CEP83: variants seen among roughly 807,000 people sequenced by gnomAD.
The protein encoded by CEP83 is centrosomal protein of 83 kDa.
A neutral mutation model predicts 101.9 loss-of-function variants in CEP83; 70 were observed. That is an observed-to-expected ratio of 0.69 (90% CI 0.57 to 0.84). The LOEUF (loss-of-function observed/expected upper bound fraction) is 0.84. Among genes scored for constraint, CEP83 ranks in the 40% least tolerant of loss-of-function variants. The pLI, the probability that CEP83 is intolerant of heterozygous loss-of-function variation, is 0.00. For missense variants in CEP83, 715 were observed against 787.2 expected (o/e 0.91, Z 1.10); for synonymous variants, 264 against 267.9 (o/e 0.99, Z 0.14).
At chr12:94,405,977 G>C (rs2063511814) in intron 4 of CEP83, among the ~76,000 whole-genome samples, 1 of 152,144 alleles carries the variant, frequency 6.6e-6, no homozygotes. Flanking sequence ...CACCTGAAAG[G>C]ATTAGAAGGA....
intron 4 of CEP83, 116 bp from the exon 5 acceptor site, chr12:94,403,378 A>G: frequency 1.8e-6 from 1 of 565,034 alleles, no homozygotes; most frequent in East Asian, 3.0e-5. Context: ...TTTGCAATAT[A>G]GTTTTTTTAC....
chr12:94,415,340 C>A (rs1487445236), intron 2 of CEP83, among the ~76,000 whole-genome samples: 1 of 152,042 alleles, frequency 6.6e-6, no homozygotes, highest in Non-Finnish European at 1.5e-5. Context: ...ACTGAGCAAG[C>A]TGTAGAAGGT....
chr12:94,356,036 G>A (rs899877106), intron 11 of CEP83, among the ~76,000 whole-genome samples: 7 of 151,766 alleles, frequency 4.6e-5, no homozygotes, highest in Non-Finnish European at 8.9e-5. Context: ...CTCTAGTGCC[G>A]CTGGGTTAGG....
intron 14 of CEP83, among the ~76,000 whole-genome samples, chr12:94,323,101 G>A (rs569047294): frequency 6.6e-6 from 1 of 152,332 alleles, no homozygotes; most frequent in South Asian, 2.1e-4. Context: ...GCTGGCTAGA[G>A]TTCCAAGCCA....
chr12:94,400,820 A>G (rs2063209614), intron 6 of CEP83, 30 bp downstream of exon 6: 1 of 1,334,446 alleles, frequency 7.5e-7, no homozygotes, highest in Non-Finnish European at 9.8e-7. Context: ...CAGAACAATA[A>G]CAAAGAAACT....
intron 13 of CEP83, 61 bp downstream of exon 13, chr12:94,333,421 A>G: frequency 4.2e-6 from 6 of 1,419,006 alleles, no homozygotes; most frequent in Non-Finnish European, 5.8e-6. Flanking sequence ...TCATTACTAA[A>G]ATAAGTACAT....
At chr12:94,419,278 T>C (rs1739994437) in intron 2 of CEP83, among the ~76,000 whole-genome samples, 1 of 151,968 alleles carries the variant, frequency 6.6e-6, no homozygotes, top group African/African-American at 2.4e-5. Flanking sequence ...CTTAATAATA[T>C]AAAAAATATC....
intron 11 of CEP83, chr12:94,335,898 A>G (rs959062276): frequency 6.5e-5 from 29 of 442,808 alleles, no homozygotes; most frequent in Non-Finnish European, 9.2e-5. Flanking sequence ...TAAGAAATCA[A>G]GTCTGTCCAG....
intron 11 of CEP83, among the ~76,000 whole-genome samples, chr12:94,345,822 A>G (rs2059909441): frequency 6.6e-6 from 1 of 152,154 alleles, no homozygotes; most frequent in Non-Finnish European, 1.5e-5. Context: ...TTTTTGTCCA[A>G]TAAGATTTCC....
At chr12:94,282,445 T>C in the CEP83 span, 8 of 1,254,474 alleles carry the variant, frequency 6.4e-6, no homozygotes, top group African/African-American at 1.0e-4. Flanking sequence ...TCATCCCCAA[T>C]CCTAGTCCCA....
the CEP83 span, among the ~76,000 whole-genome samples, chr12:94,275,055 A>C: frequency 6.6e-6 from 1 of 152,288 alleles, no homozygotes; most frequent in East Asian, 1.9e-4. Flanking sequence ...ACTTCCCTAC[A>C]TTCCCTCAGC....
chr12:94,441,678 G>A (rs1594088457), intron 1 of CEP83, among the ~76,000 whole-genome samples: 1 of 152,180 alleles, frequency 6.6e-6, no homozygotes, highest in Non-Finnish European at 1.5e-5. Context: ...CACTTTGGGA[G>A]GCCGAGGCGG....
intron 11 of CEP83, among the ~76,000 whole-genome samples, chr12:94,365,141 TA>T (rs1007471216): frequency 5.3e-5 from 8 of 151,560 alleles, no homozygotes; most frequent in Admixed American, 2.6e-4. Flanking sequence ...TAAGGTAATT[TA>T]AAAAAAATTT....
At chr12:94,432,660 A>AC (rs2065726527) in intron 2 of CEP83, among the ~76,000 whole-genome samples, 1 of 152,150 alleles carries the variant, frequency 6.6e-6, no homozygotes, top group Non-Finnish European at 1.5e-5. Context: ...GATAGACAAT[A>AC]CAAGTTCTAA....
chr12:94,396,093 C>A (rs1366078973), intron 6 of CEP83, among the ~76,000 whole-genome samples: 1 of 152,074 alleles, frequency 6.6e-6, no homozygotes, highest in African/African-American at 2.4e-5. Flanking sequence ...TTCACTCAGT[C>A]TACCATTATA....
chr12:94,285,258 G>C, the CEP83 span, among the ~76,000 whole-genome samples: 7 of 152,336 alleles, frequency 4.6e-5, no homozygotes, highest in African/African-American at 1.7e-4. Flanking sequence ...TCTGCACCAG[G>C]AAGGACCTAG....
At position 94,402,980 on chromosome 12, in the gene CEP83, G is replaced by A. The variant is rs1049299237; in HGVS notation, c.417+190C>T. On this transcript the variant is annotated intron_variant, in intron 5 of 16. Transcript: ENST00000397809. ...TGGAATGCCAAAGAAACATCAGTAG[G>A]CCAATGTGGAAAAAGGAAAGGAGAT... 7.7e-6 allele frequency: 3 copies of A among 390,910 alleles called. No individual in the cohort carries two copies. In the Middle Eastern group the frequency reaches 1.4e-3, roughly 181 times the overall value. The allele number at this position is 390,910 out of a possible 1,614,324, so 24.2% of individuals were successfully genotyped here.
At chr12:94,456,344 C>T (rs1303696688) in intron 1 of CEP83, among the ~76,000 whole-genome samples, 1 of 152,158 alleles carries the variant, frequency 6.6e-6, no homozygotes, top group African/African-American at 2.4e-5. Flanking sequence ...TTTACTGTTG[C>T]CATTTCCCCT....
At chr12:94,357,160 T>C (rs1029078306) in intron 11 of CEP83, among the ~76,000 whole-genome samples, 3 of 152,180 alleles carry the variant, frequency 2.0e-5, no homozygotes, top group African/African-American at 7.2e-5. Context: ...CTAATCCCGA[T>C]TGCCAGGCTG....
Sources: allele counts gnomAD v4.1 joint callset (sites outside exome capture counted in the v4.1 genomes callset), GRCh38; gene constraint gnomAD v4.1.1; transcripts MANE v1.5; gene names NCBI Gene and HGNC (gene_info 2026-07-23, HGNC 2026-07-21).